The following FHL2 variants were observed in gnomAD, a reference collection of about 807,000 sequenced individuals.
FHL2 encodes the protein four and a half LIM domains 2, also known as four and a half LIM domains protein 2.
Under a neutral mutation model 32.7 loss-of-function variants are expected in FHL2, and 20 were observed. The ratio of observed to expected loss-of-function variants is 0.61; its 90% CI spans 0.43 to 0.89. The LOEUF (loss-of-function observed/expected upper bound fraction) is 0.89. Ranked by LOEUF, FHL2 falls within the 40% of genes least tolerant of loss-of-function variation. The pLI, the probability that FHL2 is intolerant of heterozygous loss-of-function variation, is 0.00. For missense variants in FHL2, 311 were observed against 358.6 expected (o/e 0.87, Z 1.07); for synonymous variants, 123 against 128.1 (o/e 0.96, Z 0.27).
At chr2:105,380,858 A>G (rs1462275407) in intron 3 of FHL2, among the ~76,000 whole-genome samples, 8 of 152,244 alleles carry the variant, frequency 5.3e-5, no homozygotes. Context: ...AATGTCATAC[A>G]TTGCAGTAAA....
chr2:105,364,078 G>A (rs1049175046), intron 5 of FHL2, among the ~76,000 whole-genome samples: 4 of 152,056 alleles, frequency 2.6e-5, no homozygotes, highest in South Asian at 2.1e-4. Flanking sequence ...CCAACATGGC[G>A]AAACCCCATC....
chr2:105,399,521 C>T (rs1683382604), upstream of FHL2: 1 of 1,536,128 alleles, frequency 6.5e-7, no homozygotes, highest in Non-Finnish European at 8.7e-7. Flanking sequence ...TGCTTCTTTA[C>T]GAAATGAACA....
downstream of FHL2, chr2:105,359,763 G>A (rs1680145200): frequency 6.6e-6 from 1 of 152,198 alleles, no homozygotes; most frequent in African/African-American, 2.4e-5. Context: ...AAGGCTCCCA[G>A]TGTGCCCTCA....
intron 1 of FHL2, among the ~76,000 whole-genome samples, chr2:105,428,366 A>G (rs1264032855): frequency 6.6e-6 from 1 of 152,172 alleles, no homozygotes; most frequent in East Asian, 1.9e-4. Context: ...GCTCATCTCC[A>G]GCTTCTAGTT....
chr2:105,434,343 G>T (rs1408284850), intron 1 of FHL2, among the ~76,000 whole-genome samples: 1 of 152,322 alleles, frequency 6.6e-6, no homozygotes, highest in South Asian at 2.1e-4. Context: ...AGGCTGAGGT[G>T]GGCGGATCGC....
upstream of FHL2, among the ~76,000 whole-genome samples, chr2:105,400,686 ATTT>A (rs57296524): frequency 7.5e-6 from 1 of 132,802 alleles, no homozygotes; most frequent in African/African-American, 2.8e-5. Flanking sequence ...TTATATTTTA[ATTT>A]TTTTTTTTTT....
chr2:105,373,974 C>A (rs1681285510), intron 3 of FHL2: 3 of 547,922 alleles, frequency 5.5e-6, no homozygotes, highest in Admixed American at 3.1e-5. Flanking sequence ...ATGCACATGT[C>A]TGTGTGTGAG....
chr2:105,413,879 C>G (rs967672747), intron 1 of FHL2, among the ~76,000 whole-genome samples: 3 of 152,164 alleles, frequency 2.0e-5, no homozygotes, highest in Non-Finnish European at 4.4e-5. Flanking sequence ...ATTCTGCAAA[C>G]GATTCTCTAG....
At chr2:105,433,647 A>G (rs115433623) in intron 1 of FHL2, among the ~76,000 whole-genome samples, 1 of 152,054 alleles carries the variant, frequency 6.6e-6, no homozygotes, top group Non-Finnish European at 1.5e-5. Flanking sequence ...CCTGTAAACA[A>G]GGAAACCAGG....
intron 1 of FHL2, among the ~76,000 whole-genome samples, chr2:105,407,988 G>C (rs1352472098): frequency 1.3e-5 from 2 of 152,150 alleles, no homozygotes; most frequent in African/African-American, 4.8e-5. Context: ...AAAAATTTCT[G>C]TCTGCATAAA....
chr2:105,414,622 A>T (rs1683882610), intron 1 of FHL2, among the ~76,000 whole-genome samples: 1 of 152,226 alleles, frequency 6.6e-6, no homozygotes, highest in African/African-American at 2.4e-5. Context: ...GCAGGATCTC[A>T]GCTCACTGCA....
intron 2 of FHL2, 51 bp downstream of exon 2, chr2:105,396,596 T>C: frequency 1.9e-6 from 3 of 1,548,416 alleles, no homozygotes; most frequent in Non-Finnish European, 2.7e-6. Flanking sequence ...TCACAGTAGC[T>C]AAAACTGAAA....
rs1237120838 is a variant in FHL2, at chr2:105,367,079, A to T, written c.501+491T>A. Among the ~76,000 whole-genome samples the T allele has an allele frequency of 3.3e-5, 5 of 152,302 alleles. No homozygotes were observed. The South Asian group carries it at 1.0e-3, about 32-fold the overall frequency. Reference sequence around the variant, plus strand: ...ATGAGCCTCCATGCCCGGCCAGAGTAGATACATTTAATAAATGATCTGTCC... The same window carrying T: ...ATGAGCCTCCATGCCCGGCCAGAGTTGATACATTTAATAAATGATCTGTCC... On this transcript the variant is annotated intron_variant, in intron 5 of 6. Transcript: ENST00000530340.
At chr2:105,377,851 C>A in intron 3 of FHL2, 1 of 354,156 alleles carries the variant, frequency 2.8e-6, no homozygotes, top group Non-Finnish European at 5.6e-6. Context: ...AGATCCTTGG[C>A]CTCTCTCTGG....
Position 105,368,864 on chromosome 2 carries a change from C to T in FHL2, c.332-1125G>A, listed in dbSNP as rs17030824. ...GAAAGAGGAAAGTGTTGTAAGTGCCCGGACTAGCTGAGGGGCCTGGCCACT... is the reference window on the plus strand; with the variant it reads ...GAAAGAGGAAAGTGTTGTAAGTGCCTGGACTAGCTGAGGGGCCTGGCCACT... On this transcript the variant is annotated intron_variant, in intron 4 of 6. Transcript: ENST00000530340. Among the ~76,000 whole-genome samples the T allele has an allele frequency of 6.6e-3, 1,009 of 152,272 alleles. 9 individuals are homozygous for T. The highest frequency in any genetic ancestry group is 0.023 in the African/African-American group (971 of 41,546).
intron 2 of FHL2, among the ~76,000 whole-genome samples, chr2:105,391,766 C>T (rs1489523524): frequency 1.3e-5 from 2 of 152,262 alleles, no homozygotes; most frequent in East Asian, 1.9e-4. Flanking sequence ...ACTTATTAAC[C>T]TAATTGTGTA....
chr2:105,366,563 A>T (rs983401782), intron 5 of FHL2, among the ~76,000 whole-genome samples: 1 of 152,128 alleles, frequency 6.6e-6, no homozygotes, highest in African/African-American at 2.4e-5. Context: ...GCATAATAAG[A>T]ATTGCGTGTG....
Position 105,406,324 on chromosome 2 carries a change from G to A in FHL2, c.-24-19784C>T, listed in dbSNP as rs11900574. 8.0e-3 allele frequency among the ~76,000 whole-genome samples: 1,219 copies of A among 152,306 alleles called. 12 individuals carry two copies. The highest frequency in any genetic ancestry group is 0.028 in the African/African-American group (1,157 of 41,560). On this transcript the variant is annotated intron_variant, in intron 1 of 5. Coordinates refer to the FHL2 transcript ENST00000393352. The stretch of plus-strand genomic sequence containing the variant: ...TCGTGTGTACAGTCAGAGATGCTGA[G>A]CAATTACTCCTCAGTAAGACCAGAG...
chr2:105,407,216 C>T (rs983659753), intron 1 of FHL2, among the ~76,000 whole-genome samples: 12 of 152,072 alleles, frequency 7.9e-5, no homozygotes, highest in Admixed American at 2.0e-4. Context: ...CACGGTGAAA[C>T]CCTGTCTCTA....
Sources: gnomAD v4.1 joint callset for allele counts (sites outside exome capture counted in the v4.1 genomes callset) on GRCh38, gnomAD v4.1.1 for gene constraint, MANE v1.5 for transcripts, NCBI Gene and HGNC (gene_info 2026-07-23, HGNC 2026-07-21) for gene names.